Variants in USP45 observed in about 807,000 individuals in gnomAD.
USP45 encodes ubiquitin specific peptidase 45, also known as ubiquitin carboxyl-terminal hydrolase 45.
In USP45, 89 loss-of-function variants were observed where a neutral mutation model predicts 95.8. The ratio of observed to expected loss-of-function variants is 0.93; its 90% confidence interval spans 0.78 to 1.11. The LOEUF (loss-of-function observed/expected upper bound fraction) is 1.11. Ranked by LOEUF, USP45 falls within the 50% of genes least tolerant of loss-of-function variation. The probability of loss-of-function intolerance (pLI) is 0.00; values close to 1 mark genes in which losing one functional copy is unlikely to be tolerated. For missense variants in USP45, 898 were observed against 942.5 expected (o/e 0.95, Z 0.62); for synonymous variants, 281 against 316.2 (o/e 0.89, Z 1.18).
intron 13 of USP45, among the ~76,000 whole-genome samples, chr6:99,455,819 TA>T (rs35285232): frequency 0.35 from 15,421 of 43,836 alleles, 1,061 homozygotes; most frequent in Non-Finnish European, 0.41. Flanking sequence ...ATGTGAGAGC[TA>T]AAAAAAAAAA....
In USP45 at chr6:99,433,768, CAT is replaced by C. The variant is rs1341302415; in HGVS notation, c.*1946_*1947del. 2.0e-4 allele frequency: 30 copies of C among 152,156 alleles called. No homozygotes were observed. The highest frequency in any genetic ancestry group is 1.9e-4 in the East Asian group (1 of 5,198). 9.4% of individuals were successfully genotyped at this position (152,156 alleles called of 1,614,324 possible). On this transcript the variant is annotated 3_prime_UTR_variant, in exon 18 of 18. Coordinates refer to ENST00000500704, the MANE Select transcript of USP45 (RefSeq NM_001346022.3). ...AATAGTGTCAGCACTGTGACTGACT[CAT>C]AGCAAGTATGGGTATCTATCCAAAT...
At chr6:99,453,288 T>G (rs889719723) in intron 13 of USP45, among the ~76,000 whole-genome samples, 5 of 151,998 alleles carry the variant, frequency 3.3e-5, no homozygotes, top group African/African-American at 1.2e-4. Context: ...AAAAAACTCT[T>G]AGAACTGATA....
Position 99,496,891 on chromosome 6 carries a change from C to G in USP45, c.478+6874G>C, listed in dbSNP as rs565935289. On this transcript the variant is annotated intron_variant, in intron 5 of 17. Coordinates refer to ENST00000500704, the MANE Select transcript of USP45 (RefSeq NM_001346022.3). The stretch of plus-strand genomic sequence containing the variant: ...ATTATCAACATCCCCCACCAGAATG[C>G]TTCATTTATTGTAACTGATGAACCT... 4.6e-5 allele frequency among the ~76,000 whole-genome samples: 7 copies of G among 152,156 alleles called. No individual in the cohort carries two copies. The South Asian group carries it at 1.4e-3, about 31-fold the overall frequency.
chr6:99,474,928 G>T (rs1276800796), intron 9 of USP45, among the ~76,000 whole-genome samples: 1 of 152,154 alleles, frequency 6.6e-6, no homozygotes, highest in Non-Finnish European at 1.5e-5. Context: ...TCAGTTAGGG[G>T]ATAGGCCTAC....
intron 4 of USP45, 41 bp downstream of exon 4, chr6:99,507,387 C>T (rs752325068): frequency 1.6e-6 from 2 of 1,215,332 alleles, no homozygotes; most frequent in South Asian, 1.5e-5. Context: ...AATTGGGGGG[C>T]TGTGGTTAGT....
upstream of USP45, among the ~76,000 whole-genome samples, chr6:99,516,616 G>A (rs62432317): frequency 0.17 from 25,569 of 152,106 alleles, 2,758 homozygotes; most frequent in Middle Eastern, 0.25. Flanking sequence ...AGGTATAGAG[G>A]TACACTATCA....
intron 3 of USP45, 82 bp downstream of exon 3, chr6:99,508,528 G>A: frequency 7.5e-7 from 1 of 1,328,424 alleles, no homozygotes; most frequent in Non-Finnish European, 1.0e-6. Flanking sequence ...TAACTCCTAT[G>A]CATGACCAAC....
chr6:99,447,452 C>G (rs1782780055), intron 13 of USP45, among the ~76,000 whole-genome samples: 1 of 152,138 alleles, frequency 6.6e-6, no homozygotes, highest in Non-Finnish European at 1.5e-5. Flanking sequence ...CCAACAAGTT[C>G]CACTCCGCTG....
chr6:99,462,705 C>A (rs755373735), intron 13 of USP45: 1 of 987,298 alleles, frequency 1.0e-6, no homozygotes. Flanking sequence ...TCAGGCCCAG[C>A]GCTGTGGCTC....
rs1190773541 is a variant in USP45, at chr6:99,466,557, T to A, written c.1107+115A>T. The A allele has an allele frequency of 5.1e-6, 4 of 777,684 alleles. No individual in the cohort carries two copies. In the African/African-American group the frequency reaches 7.1e-5, roughly 14 times the overall value. 48.2% of individuals were successfully genotyped at this position (777,684 alleles called of 1,614,324 possible). ...AAAAAGACTTTCAAGAATCATTATG[T>A]AATCATCTGTCAAATTTTAAAAATG... On this transcript the variant is annotated intron_variant, in intron 11 of 17. Coordinates refer to ENST00000500704, the MANE Select transcript of USP45 (RefSeq NM_001346022.3).
chr6:99,494,238 A>G (rs1244090668), intron 5 of USP45, among the ~76,000 whole-genome samples: 1 of 152,200 alleles, frequency 6.6e-6, no homozygotes, highest in African/African-American at 2.4e-5. Context: ...TATCACTTCT[A>G]TATTACTAAC....
intron 13 of USP45, chr6:99,462,444 A>C: frequency 1.0e-6 from 1 of 983,408 alleles, no homozygotes; most frequent in Non-Finnish European, 1.2e-6. Context: ...TAAAGAAAAA[A>C]AATCACTACA....
At chr6:99,493,236 G>C (rs1795575544) in intron 5 of USP45, among the ~76,000 whole-genome samples, 1 of 152,118 alleles carries the variant, frequency 6.6e-6, no homozygotes, top group Admixed American at 6.5e-5. Flanking sequence ...ACGTTGGCCA[G>C]GCTGGTCTTG....
intron 10 of USP45, among the ~76,000 whole-genome samples, chr6:99,467,817 G>C (rs1391165150): frequency 1.3e-5 from 2 of 151,972 alleles, no homozygotes; most frequent in Non-Finnish European, 2.9e-5. Context: ...GTGTATGTTT[G>C]CAAATTATAG....
At chr6:99,461,727 T>C (rs943480099) in intron 13 of USP45, 1 of 985,058 alleles carries the variant, frequency 1.0e-6, no homozygotes, top group African/African-American at 1.7e-5. Flanking sequence ...CAAAAACTTA[T>C]GATCAAATCA....
At position 99,434,462 on chromosome 6, in the gene USP45, A is replaced by G. The variant is rs1471211757; in HGVS notation, c.*1254T>C. 4 of 152,324 alleles carry G rather than the reference A, an allele frequency of 2.6e-5. No individual in the cohort carries two copies. The highest frequency in any genetic ancestry group is 1.9e-4 in the East Asian group (1 of 5,188). The allele number at this position is 152,324 out of a possible 1,614,324, so 9.4% of individuals were successfully genotyped here. ...GCAGTTTTGTTTCTATTTCAACAAT[A>G]TGACACTGAAGTAGCCATTATCTTT... On this transcript the variant is annotated 3_prime_UTR_variant, in exon 18 of 18. Transcript: ENST00000500704.
intron 13 of USP45, among the ~76,000 whole-genome samples, chr6:99,458,492 A>G (rs1785594751): frequency 6.6e-6 from 1 of 152,212 alleles, no homozygotes; most frequent in African/African-American, 2.4e-5. Flanking sequence ...GGTGAGACAT[A>G]AGTTCAAGTC....
chr6:99,468,651 T>C (rs774913167), intron 9 of USP45, 33 bp from the exon 10 acceptor site: 2 of 1,457,876 alleles, frequency 1.4e-6, no homozygotes, highest in Non-Finnish European at 1.9e-6. Context: ...TCTGGTCTAA[T>C]AATAGTTAAC....
At chr6:99,507,307 C>T in intron 4 of USP45, 121 bp downstream of exon 4, 1 of 526,190 alleles carries the variant, frequency 1.9e-6, no homozygotes, top group Non-Finnish European at 3.4e-6. Flanking sequence ...AGATTGTGTT[C>T]AGGTTAAAAA....
Sources: allele counts gnomAD v4.1 joint callset (sites outside exome capture counted in the v4.1 genomes callset), GRCh38; gene constraint gnomAD v4.1.1; transcripts MANE v1.5; gene names NCBI Gene and HGNC (gene_info 2026-07-23, HGNC 2026-07-21).